HPSE2: variants seen among roughly 807,000 people sequenced by gnomAD.
HPSE2 encodes heparanase 2 (inactive).
Under a neutral mutation model 60.5 loss-of-function variants are expected in HPSE2, and 38 were observed. The observed-to-expected ratio is 0.63, with a 90% confidence interval of 0.48 to 0.82. The LOEUF is 0.82. Among genes scored for constraint, HPSE2 ranks in the 40% least tolerant of loss-of-function variants. The pLI, the probability that HPSE2 is intolerant of heterozygous loss-of-function variation, is 0.00. For synonymous variants in HPSE2, 295 were observed against 293.2 expected (o/e 1.01, Z -0.06); for missense variants, 713 against 740.4 (o/e 0.96, Z 0.43).
intron 3 of HPSE2, among the ~76,000 whole-genome samples, chr10:98,788,911 C>T (rs560306544): frequency 1.6e-4 from 25 of 152,260 alleles, no homozygotes; most frequent in African/African-American, 3.6e-4. Flanking sequence ...TCTTCTGCGT[C>T]GCTCACGCTG....
intron 11 of HPSE2, among the ~76,000 whole-genome samples, chr10:98,462,841 C>T (rs79544465): frequency 0.019 from 2,933 of 152,210 alleles, 101 homozygotes; most frequent in African/African-American, 0.066. Flanking sequence ...GCTTGTATCT[C>T]TACCCTACCT....
At chr10:98,895,318 A>T (rs1342447802) in intron 3 of HPSE2, among the ~76,000 whole-genome samples, 1 of 152,202 alleles carries the variant, frequency 6.6e-6, no homozygotes. Context: ...AAATAGGCCC[A>T]ATCTTTTAAA....
intron 9 of HPSE2, among the ~76,000 whole-genome samples, chr10:98,546,110 C>T (rs2133839164): frequency 7.5e-6 from 1 of 133,440 alleles, no homozygotes; most frequent in South Asian, 2.5e-4. Context: ...TGTGAAGGAC[C>T]TCTTCAAGGA....
chr10:98,679,089 G>A (rs916337303), intron 6 of HPSE2, among the ~76,000 whole-genome samples: 1 of 152,184 alleles, frequency 6.6e-6, no homozygotes. Flanking sequence ...TACCTGTGGT[G>A]AGGGAAGTCT....
At chr10:98,538,419 A>T (rs1943356258) in intron 9 of HPSE2, among the ~76,000 whole-genome samples, 1 of 152,144 alleles carries the variant, frequency 6.6e-6, no homozygotes, top group Non-Finnish European at 1.5e-5. Flanking sequence ...TATTACCAGT[A>T]GATTTAGGAA....
intron 3 of HPSE2, among the ~76,000 whole-genome samples, chr10:98,822,629 G>C (rs954784644): frequency 1.3e-5 from 2 of 152,054 alleles, no homozygotes; most frequent in African/African-American, 2.4e-5. Flanking sequence ...GACAAAGACT[G>C]TCAGCTAAAC....
intron 5 of HPSE2, among the ~76,000 whole-genome samples, chr10:98,702,576 A>G (rs541125207): frequency 6.6e-6 from 1 of 152,214 alleles, no homozygotes; most frequent in East Asian, 1.9e-4. Context: ...AATGGAAATC[A>G]TAACAGTCTC....
At chr10:99,143,135 C>T (rs1043432740) in intron 3 of HPSE2, among the ~76,000 whole-genome samples, 4 of 152,140 alleles carry the variant, frequency 2.6e-5, no homozygotes, top group African/African-American at 9.7e-5. Flanking sequence ...TTCTTAATGA[C>T]CTATCAAAGA....
At chr10:98,608,235 T>G (rs956113071) in intron 9 of HPSE2, among the ~76,000 whole-genome samples, 14 of 152,198 alleles carry the variant, frequency 9.2e-5, no homozygotes, top group Non-Finnish European at 1.5e-4. Flanking sequence ...CCAGCACAGT[T>G]AGCCCCATTT....
intron 3 of HPSE2, among the ~76,000 whole-genome samples, chr10:98,993,503 C>T (rs1234341064): frequency 6.6e-6 from 1 of 152,150 alleles, no homozygotes; most frequent in African/African-American, 2.4e-5. Flanking sequence ...ATTCATTAAA[C>T]CTTTGAAACT....
rs571576773 is a variant in HPSE2, at chr10:98,897,254, G to A, written c.611-153198C>T. On this transcript the variant is annotated intron_variant, in intron 3 of 11. Coordinates refer to ENST00000370552, the MANE Select transcript of HPSE2 (RefSeq NM_021828.5). ...ACAGTGTACACCGCTTGGGTGATAGGTGCACCAAAATCTCAGAAATCTCCA... is the reference window on the plus strand; with the variant it reads ...ACAGTGTACACCGCTTGGGTGATAGATGCACCAAAATCTCAGAAATCTCCA... Among the ~76,000 whole-genome samples the A allele has an allele frequency of 2.6e-5, 4 of 152,184 alleles. No homozygotes were observed. In the South Asian group the frequency reaches 8.3e-4, roughly 32 times the overall value.
At chr10:98,941,969 A>G (rs1270611205) in intron 3 of HPSE2, among the ~76,000 whole-genome samples, 1 of 142,714 alleles carries the variant, frequency 7.0e-6, no homozygotes, top group African/African-American at 2.9e-5. Context: ...GAGAAAAACA[A>G]GCAATGGGGA....
the HPSE2 span, among the ~76,000 whole-genome samples, chr10:99,263,611 G>A: frequency 6.6e-6 from 1 of 152,100 alleles, no homozygotes; most frequent in African/African-American, 2.4e-5. Context: ...GGCAGCTAGT[G>A]TTCCAACTTC....
In HPSE2 at chr10:98,793,991, C is replaced by A. The variant is rs1326953370; in HGVS notation, c.611-49935G>T. Among the ~76,000 whole-genome samples the A allele has an allele frequency of 2.0e-5, 3 of 152,198 alleles. 1 individual carries two copies. The highest frequency in any genetic ancestry group is 4.1e-4 in the South Asian group (2 of 4,832). Reference sequence around the variant, plus strand: ...TGAAGGAGTTATACATGAGGGATCTCAAAAACTGTAAAGTTTTTTCTAACT... The same window carrying A: ...TGAAGGAGTTATACATGAGGGATCTAAAAAACTGTAAAGTTTTTTCTAACT... On this transcript the variant is annotated intron_variant, in intron 3 of 11. Coordinates refer to ENST00000370552, the MANE Select transcript of HPSE2 (RefSeq NM_021828.5).
At chr10:98,548,128 G>T (rs532527296) in intron 9 of HPSE2, among the ~76,000 whole-genome samples, 1 of 152,228 alleles carries the variant, frequency 6.6e-6, no homozygotes, top group African/African-American at 2.4e-5. Context: ...CATAATGATA[G>T]TCGTATATTC....
intron 3 of HPSE2, among the ~76,000 whole-genome samples, chr10:98,881,036 T>C (rs1355389321): frequency 6.6e-6 from 1 of 152,026 alleles, no homozygotes; most frequent in Non-Finnish European, 1.5e-5. Flanking sequence ...TGTTCCTCTA[T>C]TTGAGGACAG....
At chr10:98,726,119 G>T (rs1949071589) in intron 4 of HPSE2, among the ~76,000 whole-genome samples, 1 of 152,134 alleles carries the variant, frequency 6.6e-6, no homozygotes, top group South Asian at 2.1e-4. Flanking sequence ...ATTTGACCCA[G>T]CCATCCCATT....
chr10:99,153,334 G>A (rs910744729), intron 2 of HPSE2, among the ~76,000 whole-genome samples: 1 of 152,214 alleles, frequency 6.6e-6, no homozygotes, highest in African/African-American at 2.4e-5. Context: ...AGTAAACTCT[G>A]CAGACTTAAA....
chr10:98,793,097 C>A (rs1289636802), intron 3 of HPSE2, among the ~76,000 whole-genome samples: 2 of 152,180 alleles, frequency 1.3e-5, no homozygotes, highest in Non-Finnish European at 2.9e-5. Context: ...CTGGAGACTG[C>A]TTCTATCTCA....
Sources: gnomAD v4.1 joint callset for allele counts (sites outside exome capture counted in the v4.1 genomes callset) on GRCh38, gnomAD v4.1.1 for gene constraint, MANE v1.5 for transcripts, NCBI Gene and HGNC (gene_info 2026-07-23, HGNC 2026-07-21) for gene names.